EPM2A: variants seen among roughly 807,000 people sequenced by gnomAD.
EPM2A encodes the protein EPM2A glucan phosphatase, laforin, also known as laforin.
EPM2A carries 21 observed loss-of-function variants against 26.5 expected under a neutral mutation model. That is an observed-to-expected ratio of 0.79 (90% CI 0.56 to 1.14). EPM2A has a LOEUF of 1.14. Among genes scored for constraint, EPM2A ranks in the 50% most tolerant of loss-of-function variants. EPM2A has a pLI of 0.00. For synonymous variants in EPM2A, 217 were observed against 177.6 expected (o/e 1.22, Z -1.76); for missense variants, 458 against 440.8 (o/e 1.04, Z -0.35).
At chr6:145,428,194 A>T (rs1203511070) in intron 4 of EPM2A, among the ~76,000 whole-genome samples, 2 of 151,656 alleles carry the variant, frequency 1.3e-5, no homozygotes, top group Non-Finnish European at 2.9e-5. Flanking sequence ...ATCATAAGAC[A>T]CATAATTTTG....
intron 2 of EPM2A, among the ~76,000 whole-genome samples, chr6:145,564,072 T>C (rs997731155): frequency 6.6e-6 from 1 of 152,134 alleles, no homozygotes. Flanking sequence ...ACAATGTAAA[T>C]GCTAGGTAAA....
In EPM2A at chr6:145,416,845, G is replaced by T. The variant is rs925116779; in HGVS notation, c.556-32748C>A. ...GGTGATTTATGTTTAGGGGGTCGTA[G>T]GAAATGTACACTGATTTCTTAATTT... is the stretch of plus-strand genomic sequence containing the variant. On this transcript the variant is annotated intron_variant, in intron 4 of 4. Coordinates refer to the EPM2A transcript ENST00000638717. 4.8e-4 allele frequency among the ~76,000 whole-genome samples: 73 copies of T among 151,990 alleles called. 1 individual carries two copies. The highest frequency in any genetic ancestry group is 1.6e-3 in the African/African-American group (68 of 41,488).
At chr6:145,695,713 A>G (rs1273934145) in intron 1 of EPM2A, among the ~76,000 whole-genome samples, 1 of 152,096 alleles carries the variant, frequency 6.6e-6, no homozygotes, top group Non-Finnish European at 1.5e-5. Context: ...AGGTAATTAT[A>G]TAATGATAAA....
intron 4 of EPM2A, among the ~76,000 whole-genome samples, chr6:145,434,711 A>G (rs1459051667): frequency 2.0e-5 from 3 of 152,180 alleles, no homozygotes; most frequent in Non-Finnish European, 4.4e-5. Context: ...CACCACCACT[A>G]TCTAATGCCA....
intron 2 of EPM2A, among the ~76,000 whole-genome samples, chr6:145,556,250 T>A (rs1010507881): frequency 4.6e-5 from 7 of 152,132 alleles, no homozygotes; most frequent in Non-Finnish European, 7.4e-5. Context: ...AGCTGACAAG[T>A]TAGAGAACAC....
intron 4 of EPM2A, among the ~76,000 whole-genome samples, chr6:145,424,986 C>T (rs80204402): frequency 2.6e-5 from 4 of 151,728 alleles, no homozygotes; most frequent in Non-Finnish European, 4.4e-5. Context: ...CCATATCTAT[C>T]TATTTATCTA....
At chr6:145,397,708 T>C (rs543383644) in intron 4 of EPM2A, among the ~76,000 whole-genome samples, 1 of 152,316 alleles carries the variant, frequency 6.6e-6, no homozygotes, top group South Asian at 2.1e-4. Flanking sequence ...TTTAGCCCCA[T>C]TGAAAAGGCT....
At chr6:145,609,087 G>A (rs1314326782) in intron 2 of EPM2A, among the ~76,000 whole-genome samples, 1 of 152,196 alleles carries the variant, frequency 6.6e-6, no homozygotes, top group Non-Finnish European at 1.5e-5. Context: ...GAGAGGAGGT[G>A]ATGGTATTTT....
At position 145,413,705 on chromosome 6, in the gene EPM2A, T is replaced by C. The variant is rs1423915994; in HGVS notation, c.556-29608A>G. On this transcript the variant is annotated intron_variant, in intron 4 of 4. Coordinates refer to the EPM2A transcript ENST00000638717. ...ATTCCTTTGAGAATGTCTTTTCTTA[T>C]ATTGAGTGAAAATATTAACCCTGTA... Among the ~76,000 whole-genome samples, 7 of 152,226 alleles carry C rather than the reference T, an allele frequency of 4.6e-5. No individual in the cohort carries two copies. In the South Asian group the frequency reaches 6.2e-4, roughly 14 times the overall value.
At chr6:145,589,428 A>G (rs1393206052) in intron 2 of EPM2A, among the ~76,000 whole-genome samples, 1 of 152,210 alleles carries the variant, frequency 6.6e-6, no homozygotes, top group Non-Finnish European at 1.5e-5. Context: ...TGAGGTAGCA[A>G]TCAGACAGAG....
intron 2 of EPM2A, among the ~76,000 whole-genome samples, chr6:145,541,543 C>A (rs1304062940): frequency 6.6e-6 from 1 of 152,060 alleles, no homozygotes; most frequent in Non-Finnish European, 1.5e-5. Context: ...TCATTTTCAA[C>A]AAATGCTTCC....
chr6:145,678,721 AAT>A, intron 2 of EPM2A, among the ~76,000 whole-genome samples: 1 of 152,330 alleles, frequency 6.6e-6, no homozygotes, highest in East Asian at 1.9e-4. Context: ...CGCCAGTTAG[AAT>A]AGTGATCATT....
chr6:145,719,507 G>T (rs970252916), intron 1 of EPM2A, among the ~76,000 whole-genome samples: 3 of 151,360 alleles, frequency 2.0e-5, no homozygotes, highest in African/African-American at 7.3e-5. Context: ...AGCATTGGAA[G>T]ATATACCTAA....
intron 2 of EPM2A, among the ~76,000 whole-genome samples, chr6:145,576,208 T>G (rs1429787844): frequency 6.6e-6 from 1 of 152,184 alleles, no homozygotes; most frequent in Non-Finnish European, 1.5e-5. Context: ...TGGCTAAAAT[T>G]ACAATTCTAG....
chr6:145,468,316 C>T (rs533888147), intron 4 of EPM2A, among the ~76,000 whole-genome samples: 21 of 152,142 alleles, frequency 1.4e-4, no homozygotes, highest in Middle Eastern at 3.4e-3. Flanking sequence ...TCACTTTAAT[C>T]GCCGTACATT....
chr6:145,735,740 G>C (rs1478230706), upstream of EPM2A: 1 of 711,224 alleles, frequency 1.4e-6, no homozygotes, highest in Non-Finnish European at 1.8e-6. Flanking sequence ...CCGCAACCCC[G>C]CGGGCGGTTG....
chr6:145,396,732 T>C (rs1343936996), intron 4 of EPM2A, among the ~76,000 whole-genome samples: 28 of 152,338 alleles, frequency 1.8e-4, no homozygotes. Context: ...GTTGATTTCA[T>C]TCTGTTATTG....
At chr6:145,577,754 C>T (rs987289392) in intron 2 of EPM2A, among the ~76,000 whole-genome samples, 3 of 152,058 alleles carry the variant, frequency 2.0e-5, no homozygotes, top group African/African-American at 7.2e-5. Flanking sequence ...ACACATTCTT[C>T]TCATTAGCAC....
At chr6:145,714,185 C>T (rs1213746729) in intron 1 of EPM2A, among the ~76,000 whole-genome samples, 1 of 152,174 alleles carries the variant, frequency 6.6e-6, no homozygotes, top group Non-Finnish European at 1.5e-5. Context: ...GTAGAGTTGT[C>T]TCTCAGTTCC....
Sources: allele counts gnomAD v4.1 joint callset (sites outside exome capture counted in the v4.1 genomes callset), GRCh38; gene constraint gnomAD v4.1.1; transcripts MANE v1.5; gene names NCBI Gene and HGNC (gene_info 2026-07-23, HGNC 2026-07-21).